TAFA2: variants seen among roughly 807,000 people sequenced by gnomAD.
TAFA2 encodes TAFA chemokine like family member 2, also known as chemokine-like protein TAFA-2.
Under a neutral mutation model 18.8 loss-of-function variants are expected in TAFA2, and 7 were observed. The ratio of observed to expected loss-of-function variants is 0.37; its 90% CI spans 0.21 to 0.70. TAFA2 has a LOEUF of 0.70. Among genes scored for constraint, TAFA2 ranks in the 30% least tolerant of loss-of-function variants. The pLI is 0.53. For synonymous variants in TAFA2, 60 were observed against 54.2 expected, an observed-to-expected ratio of 1.11 and a Z score of -0.47; for missense variants, 122 against 158.1, an observed-to-expected ratio of 0.77 and a Z score of 1.23.
At chr12:61,976,464 C>A (rs983838053) in intron 1 of TAFA2, among the ~76,000 whole-genome samples, 1 of 151,844 alleles carries the variant, frequency 6.6e-6, no homozygotes, top group African/African-American at 2.4e-5. Context: ...CAAATAAAAA[C>A]AAACACACAC....
At chr12:61,752,236 G>A (rs1869054339) in intron 4 of TAFA2, among the ~76,000 whole-genome samples, 1 of 151,936 alleles carries the variant, frequency 6.6e-6, no homozygotes, top group Non-Finnish European at 1.5e-5. Context: ...TCAGTGTATG[G>A]CATATGTTTT....
chr12:61,759,720 A>G (rs537390475), intron 2 of TAFA2, among the ~76,000 whole-genome samples: 21 of 152,080 alleles, frequency 1.4e-4, no homozygotes, highest in Non-Finnish European at 2.6e-4. Flanking sequence ...TCAGGGAAGC[A>G]TGATATCCCA....
In TAFA2 at chr12:61,835,108, G is replaced by A. The variant is rs550472695; in HGVS notation, c.106+32212C>T. Among the ~76,000 whole-genome samples the A allele has an allele frequency of 3.0e-3, 453 of 151,882 alleles. 4 individuals are homozygous for A. Among genetic ancestry groups the A allele is most frequent in the Non-Finnish European group, 2.9e-3 (200 of 67,902 alleles). ...TTGCCTGAGGGGAAAAAAACATTTC[G>A]ATTTTAAACTTTCCTTTCTTCTTCT... On this transcript the variant is annotated intron_variant, in intron 2 of 4. Coordinates refer to ENST00000416284, the MANE Select transcript of TAFA2 (RefSeq NM_178539.5).
chr12:62,113,414 C>A (rs772979809), intron 1 of TAFA2, among the ~76,000 whole-genome samples: 16 of 152,126 alleles, frequency 1.1e-4, no homozygotes, highest in Non-Finnish European at 2.4e-4. Context: ...ATATGAGGTG[C>A]CTGTCGACCC....
intron 1 of TAFA2, among the ~76,000 whole-genome samples, chr12:61,878,539 C>G (rs1294040928): frequency 6.6e-6 from 1 of 152,154 alleles, no homozygotes; most frequent in East Asian, 1.9e-4. Context: ...TTCTATTTCA[C>G]TACTTTATTT....
At chr12:61,710,479 A>C (rs1869347972) in intron 4 of TAFA2, 62 bp from the exon 5 acceptor site, 1 of 1,386,722 alleles carries the variant, frequency 7.2e-7, no homozygotes, top group African/African-American at 1.4e-5. Flanking sequence ...TTAAAACTAA[A>C]CACAATTAAA....
chr12:62,042,428 T>TGC (rs1555185799), intron 1 of TAFA2, among the ~76,000 whole-genome samples: 192 of 74,428 alleles, frequency 2.6e-3, no homozygotes, highest in African/African-American at 3.1e-3. Context: ...TGTGTGTGTG[T>TGC]GCGCGTGTGT....
At chr12:61,866,683 G>C (rs1466259393) in intron 2 of TAFA2, among the ~76,000 whole-genome samples, 3 of 152,084 alleles carry the variant, frequency 2.0e-5, no homozygotes, top group African/African-American at 7.2e-5. Flanking sequence ...CTGTTCAGTG[G>C]CAGAATTGAG....
chr12:62,074,726 G>C (rs1351953032), intron 1 of TAFA2, among the ~76,000 whole-genome samples: 1 of 140,622 alleles, frequency 7.1e-6, no homozygotes, highest in East Asian at 2.0e-4. Context: ...TTTTGAGACA[G>C]AGTCTCACTC....
At chr12:62,147,803 G>C (rs924184626) in intron 1 of TAFA2, among the ~76,000 whole-genome samples, 1 of 149,992 alleles carries the variant, frequency 6.7e-6, no homozygotes, top group Non-Finnish European at 1.5e-5. Context: ...AAAAATATTT[G>C]CAAATTATGC....
At chr12:61,786,089 T>C (rs1300359602) in intron 2 of TAFA2, among the ~76,000 whole-genome samples, 2 of 151,482 alleles carry the variant, frequency 1.3e-5, no homozygotes, top group Non-Finnish European at 3.0e-5. Flanking sequence ...ATGAGGAAAC[T>C]ATCCAATCAA....
chr12:61,968,801 A>G (rs895842410), intron 1 of TAFA2, among the ~76,000 whole-genome samples: 3 of 151,678 alleles, frequency 2.0e-5, no homozygotes, highest in Admixed American at 2.0e-4. Flanking sequence ...CTTGCCCCAG[A>G]GTTCATGACT....
At chr12:61,987,398 G>T (rs551497602) in intron 1 of TAFA2, among the ~76,000 whole-genome samples, 34 of 152,230 alleles carry the variant, frequency 2.2e-4, no homozygotes, top group Non-Finnish European at 4.6e-4. Flanking sequence ...AAACAGTTCT[G>T]GTCAACTCAT....
intron 1 of TAFA2, among the ~76,000 whole-genome samples, chr12:61,872,236 T>A (rs7980597): frequency 0.8 from 121,429 of 152,046 alleles, 48,526 homozygotes; most frequent in East Asian, 0.89. Flanking sequence ...AGTGGAGGCT[T>A]AGAATCCAAC....
At chr12:61,993,440 T>C (rs1344303894) in intron 1 of TAFA2, among the ~76,000 whole-genome samples, 1 of 152,202 alleles carries the variant, frequency 6.6e-6, no homozygotes, top group African/African-American at 2.4e-5. Flanking sequence ...AGAACCTATT[T>C]CATTAAAATG....
intron 2 of TAFA2, among the ~76,000 whole-genome samples, chr12:61,802,889 GA>G (rs1025675087): frequency 1.3e-5 from 2 of 151,786 alleles, no homozygotes; most frequent in African/African-American, 2.4e-5. Context: ...GTAACAAAAA[GA>G]AAAAATTACT....
chr12:61,768,224 G>T (rs1046686999), intron 2 of TAFA2, among the ~76,000 whole-genome samples: 2 of 152,062 alleles, frequency 1.3e-5, no homozygotes, highest in African/African-American at 4.8e-5. Flanking sequence ...ATGAAAGAAA[G>T]AATAGATAAG....
chr12:61,920,982 A>C (rs1231306440), intron 1 of TAFA2, among the ~76,000 whole-genome samples: 1 of 152,128 alleles, frequency 6.6e-6, no homozygotes, highest in Non-Finnish European at 1.5e-5. Flanking sequence ...ACCACTGAAA[A>C]CGCCAAGAGG....
intron 1 of TAFA2, among the ~76,000 whole-genome samples, chr12:62,137,260 A>G (rs1870934943): frequency 6.6e-6 from 1 of 152,148 alleles, no homozygotes; most frequent in Non-Finnish European, 1.5e-5. Flanking sequence ...GATCATATAT[A>G]AGCTAATGAG....
Sources: gnomAD v4.1 joint callset for allele counts (sites outside exome capture counted in the v4.1 genomes callset) on GRCh38, gnomAD v4.1.1 for gene constraint, MANE v1.5 for transcripts, NCBI Gene and HGNC (gene_info 2026-07-23, HGNC 2026-07-21) for gene names.